CDC42BPA: variants seen among roughly 807,000 people sequenced by gnomAD.
CDC42BPA encodes CDC42 binding protein kinase alpha.
In CDC42BPA, 80 loss-of-function variants were observed where a neutral mutation model predicts 223.5. The ratio of observed to expected loss-of-function variants is 0.36; its 90% CI spans 0.30 to 0.43. The LOEUF is 0.43. CDC42BPA is among the 20% of genes least tolerant of loss of function. The pLI, the probability that CDC42BPA is intolerant of heterozygous loss-of-function variation, is 1.00. For synonymous variants in CDC42BPA, 694 were observed against 718.6 expected (o/e 0.97, Z 0.55); for missense variants, 1,743 against 2,099.9 (o/e 0.83, Z 3.32).
chr1:226,997,216 T>C (rs916769409), intron 35 of CDC42BPA, among the ~76,000 whole-genome samples: 2 of 152,252 alleles, frequency 1.3e-5, no homozygotes, highest in African/African-American at 4.8e-5. Context: ...TTTATCCATT[T>C]CTTCTAGATT....
intron 2 of CDC42BPA, among the ~76,000 whole-genome samples, chr1:227,247,666 T>C (rs2670445): frequency 0.31 from 46,769 of 151,586 alleles, 7,371 homozygotes; most frequent in East Asian, 0.37. Flanking sequence ...AGGCGGATCA[T>C]CTGACGTCAG....
At chr1:227,183,959 G>C (rs1572198790) in intron 5 of CDC42BPA, among the ~76,000 whole-genome samples, 1 of 152,258 alleles carries the variant, frequency 6.6e-6, no homozygotes, top group Middle Eastern at 3.4e-3. Flanking sequence ...TCAGTATATT[G>C]AACATCTTTT....
intron 5 of CDC42BPA, among the ~76,000 whole-genome samples, chr1:227,163,048 A>AAATATG (rs1373280284): frequency 0.012 from 901 of 72,386 alleles, 20 homozygotes; most frequent in African/African-American, 0.034. Flanking sequence ...TTCCAAACAT[A>AAATATG]TGTGTATGTT....
chr1:227,287,991 T>C (rs766399574), intron 1 of CDC42BPA, among the ~76,000 whole-genome samples: 1 of 152,216 alleles, frequency 6.6e-6, no homozygotes, highest in Non-Finnish European at 1.5e-5. Context: ...AGTATGTGCT[T>C]GGTTTCCTCC....
intron 2 of CDC42BPA, among the ~76,000 whole-genome samples, chr1:227,218,670 T>C (rs1675302193): frequency 6.6e-6 from 1 of 152,164 alleles, no homozygotes. Flanking sequence ...TACTGAATAG[T>C]TATATAAGTA....
At chr1:227,038,546 A>G (rs1572411024) in intron 24 of CDC42BPA, among the ~76,000 whole-genome samples, 1 of 152,242 alleles carries the variant, frequency 6.6e-6, no homozygotes, top group Non-Finnish European at 1.5e-5. Context: ...GGACTGATGA[A>G]TAACAGCACA....
At chr1:227,154,531 C>T (rs1662373633) in intron 6 of CDC42BPA, among the ~76,000 whole-genome samples, 1 of 151,930 alleles carries the variant, frequency 6.6e-6, no homozygotes, top group Non-Finnish European at 1.5e-5. Context: ...TTGCTAGATT[C>T]AGGATGAATA....
chr1:227,228,812 C>T (rs576304529), intron 2 of CDC42BPA, among the ~76,000 whole-genome samples: 1 of 152,178 alleles, frequency 6.6e-6, no homozygotes, highest in East Asian at 1.9e-4. Flanking sequence ...ACATATTGTC[C>T]ATATGTATAA....
chr1:227,171,135 T>C (rs568565575), intron 5 of CDC42BPA, among the ~76,000 whole-genome samples: 4 of 152,268 alleles, frequency 2.6e-5, no homozygotes, highest in Middle Eastern at 3.4e-3. Flanking sequence ...CTGAGAAATG[T>C]TTGGAAGAGA....
At chr1:227,122,327 T>C (rs1688793088) in intron 11 of CDC42BPA, among the ~76,000 whole-genome samples, 1 of 151,892 alleles carries the variant, frequency 6.6e-6, no homozygotes, top group African/African-American at 2.4e-5. Flanking sequence ...TTCTCTAACA[T>C]GTTGTTTTTT....
At chr1:227,116,936 C>T (rs1687863709) in intron 12 of CDC42BPA, among the ~76,000 whole-genome samples, 1 of 152,088 alleles carries the variant, frequency 6.6e-6, no homozygotes, top group South Asian at 2.1e-4. Context: ...TATCTATATT[C>T]CAAAGGGTTA....
chr1:227,083,013 G>C (rs1442460715), intron 16 of CDC42BPA, among the ~76,000 whole-genome samples: 2 of 151,948 alleles, frequency 1.3e-5, no homozygotes, highest in Admixed American at 6.6e-5. Flanking sequence ...TCTAGGATTT[G>C]TCTAAGTGGG....
intron 5 of CDC42BPA, among the ~76,000 whole-genome samples, chr1:227,171,437 C>T (rs1666080552): frequency 6.6e-6 from 1 of 152,136 alleles, no homozygotes; most frequent in South Asian, 2.1e-4. Flanking sequence ...CGTGAGCAAC[C>T]TCATCGCTAC....
intron 2 of CDC42BPA, among the ~76,000 whole-genome samples, chr1:227,236,229 C>CAA (rs1468909189): frequency 6.6e-6 from 1 of 152,166 alleles, no homozygotes; most frequent in Non-Finnish European, 1.5e-5. Flanking sequence ...GACTGAATGA[C>CAA]AGACTGACCT....
chr1:227,036,522 G>A (rs891888464), intron 24 of CDC42BPA, among the ~76,000 whole-genome samples: 1 of 149,638 alleles, frequency 6.7e-6, no homozygotes. Flanking sequence ...TCCGCCCCCC[G>A]GGGTTCACGC....
chr1:227,054,479 AC>A (rs1467436426), intron 21 of CDC42BPA, among the ~76,000 whole-genome samples: 1 of 152,200 alleles, frequency 6.6e-6, no homozygotes, highest in Non-Finnish European at 1.5e-5. Flanking sequence ...AAATCAGTGA[AC>A]CTAAAAAGCA....
chr1:227,317,199 G>A lies in CDC42BPA; in HGVS notation c.-17C>T. The A allele has an allele frequency of 6.3e-7, 1 of 1,590,748 alleles. No homozygotes were observed. On this transcript the variant is annotated 5_prime_UTR_variant, in exon 1 of 37. Transcript: ENST00000366766. ...TCCAGACATGTTTGCTTCGATTTCT[G>A]CTGGTTTTCCTTTAAATTATTATGA...
At chr1:227,275,873 G>A (rs111554325) in intron 1 of CDC42BPA, among the ~76,000 whole-genome samples, 22,832 of 152,186 alleles carry the variant, frequency 0.15, 2,082 homozygotes, top group African/African-American at 0.24. Flanking sequence ...CGAGGTGCCG[G>A]GATTGCAGAC....
chr1:227,172,477 T>G (rs960519033), intron 5 of CDC42BPA, among the ~76,000 whole-genome samples: 1 of 152,064 alleles, frequency 6.6e-6, no homozygotes, highest in African/African-American at 2.4e-5. Flanking sequence ...CATACCACAT[T>G]TAAAATGTAA....
Sources: gnomAD v4.1 joint callset for allele counts (sites outside exome capture counted in the v4.1 genomes callset) on GRCh38, gnomAD v4.1.1 for gene constraint, MANE v1.5 for transcripts, NCBI Gene and HGNC (gene_info 2026-07-23, HGNC 2026-07-21) for gene names.